LHX3: variants seen among roughly 807,000 people sequenced by gnomAD.
LHX3 encodes the protein LIM/homeobox protein Lhx3.
A neutral mutation model predicts 32.4 loss-of-function variants in LHX3; 21 were observed. That is an observed-to-expected ratio of 0.65 (90% CI 0.46 to 0.93). LHX3 has a LOEUF of 0.93. LHX3 is among the 40% of genes least tolerant of loss of function. The pLI is 0.00. For synonymous variants in LHX3, 258 were observed against 246.8 expected, an observed-to-expected ratio of 1.05 and a Z score of -0.43; for missense variants, 626 against 560.0, an observed-to-expected ratio of 1.12 and a Z score of -1.19.
rs371660154 is a variant in LHX3 at position 136,197,691 on chromosome 9, C to G, written c.828G>C (p.Leu276Phe). Residue 276 changes from leucine (L) to phenylalanine (F), a missense_variant, in exon 6 of 6, where the codon TTG (leucine) becomes TTC (phenylalanine). By Grantham distance (22) the Leu-to-Phe change is conservative (BLOSUM62 0). Coordinates refer to ENST00000371748, the MANE Select transcript of LHX3 (RefSeq NM_178138.6). ...MGPANGLYGS[L>F]GEPTQALGRP... Reference sequence around the variant, plus strand: ...GGCCCAAGGCCTGGGTGGGTTCCCCCAAGCTCCCGTAGAGGCCATTGGCCG... The same window carrying G: ...GGCCCAAGGCCTGGGTGGGTTCCCCGAAGCTCCCGTAGAGGCCATTGGCCG... The G allele has an allele frequency of 7.7e-5, 123 of 1,606,952 alleles. No individual in the cohort carries two copies. Among genetic ancestry groups the G allele is most frequent in the Non-Finnish European group, 6.0e-5 (71 of 1,179,624 alleles).
intron 1 of LHX3, chr9:136,201,241 G>A (rs1413044514): frequency 3.9e-6 from 5 of 1,271,798 alleles, no homozygotes; most frequent in Non-Finnish European, 4.0e-6. Context: ...CCTCGCAAAT[G>A]TGGCTGCCCT....
chr9:136,202,915 C>G (rs1425397585), intron 1 of LHX3: 3 of 1,530,856 alleles, frequency 2.0e-6, no homozygotes, highest in Non-Finnish European at 2.6e-6. Context: ...TCCTGGTCTC[C>G]CCGGTGCAGC....
chr9:136,196,292 G>A lies in LHX3; in HGVS notation c.*1033C>T, dbSNP rs186885868. On this transcript the variant is annotated 3_prime_UTR_variant, in exon 6 of 6. Transcript: ENST00000371748. ...ATTTATTGAAGTCTTGGAAAGAGCT[G>A]ATCACCCGAGAATAAATAAAAGACA... 1 of 152,514 alleles carries A rather than the reference G, an allele frequency of 6.6e-6. No individual in the cohort carries two copies. The highest frequency in any genetic ancestry group is 1.5e-5 in the Non-Finnish European group (1 of 68,046). 9.4% of individuals were successfully genotyped at this position (152,514 alleles called of 1,614,324 possible).
rs374047783 is a variant in LHX3 at position 136,199,719 on chromosome 9, C to A, written c.413G>T (p.Arg138Leu). 29 of 1,612,952 alleles carry A rather than the reference C, an allele frequency of 1.8e-5. No individual in the cohort carries two copies. The East Asian group carries it at 2.5e-4, about 14-fold the overall frequency. The change falls in exon 3 of 6, where the codon CGG becomes CTG. Residue 138 changes from arginine (R) to leucine (L), a missense_variant. Arg to Leu is a moderately radical substitution (Grantham distance 102). Transcript: ENST00000371748. ...GDEFYLMEDS[R>L]LVCKADYETA... ...TTCGTAGTCCGCCTTGCACACGAGC[C>A]GGCTGTCCTCCATGAGGTAGAACTC...
rs375736709 is a variant in LHX3 at position 136,199,046 on chromosome 9, C to A, written c.468G>T (p.Thr156=). Residue 156 remains threonine, a synonymous_variant, in exon 4 of 6, where the codon ACG becomes ACT. Coordinates refer to ENST00000371748, the MANE Select transcript of LHX3 (RefSeq NM_178138.6). ...TGATGGTCGTGCGCGGCCGCTTGGC[C>A]GTGGCCTCGGCCTCTGCGCGGCGGG... ...ETAKQREAEA[T]AKRPRTTITA... 10 of 1,567,916 alleles carry A rather than the reference C, an allele frequency of 6.4e-6. No individual in the cohort carries two copies. The highest frequency in any genetic ancestry group is 7.7e-6 in the Non-Finnish European group (9 of 1,163,682).
rs768871375 is a variant in LHX3, at chr9:136,199,662, C to T, written c.454+16G>A. ...TTCAGACCAGGAAAGGTGGGAGCGT[C>T]GTCCCCTCGGCTGACCTCGCTGCTT... On this transcript the variant is annotated intron_variant, in intron 3 of 5. Transcript: ENST00000371748. 6 of 1,612,112 alleles carry T rather than the reference C, an allele frequency of 3.7e-6. No individual in the cohort carries two copies. Among genetic ancestry groups the T allele is most frequent in the African/African-American group, 2.7e-5 (2 of 74,934 alleles).
At chr9:136,202,135 GTCC>G (rs903878945) in intron 1 of LHX3, among the ~76,000 whole-genome samples, 3 of 152,152 alleles carry the variant, frequency 2.0e-5, no homozygotes, top group African/African-American at 7.2e-5. Flanking sequence ...CGGGCGCGCA[GTCC>G]TCCTTCCTCC....
chr9:136,197,832 C>T lies in LHX3; in HGVS notation c.776-89G>A, dbSNP rs185690661. 2,114 of 1,441,406 alleles carry T rather than the reference C, an allele frequency of 1.5e-3. 1 individual carries two copies. Among genetic ancestry groups the T allele is most frequent in the Non-Finnish European group, 1.8e-3 (1,870 of 1,051,622 alleles). The allele number at this position is 1,441,406 out of a possible 1,614,324, so 89.3% of individuals were successfully genotyped here. On this transcript the variant is annotated intron_variant, in intron 5 of 5. Transcript: ENST00000371748. ...CCTGCAGGCGGAGGCACCCCTGGGT[C>T]GGAGAAAGAGTGGCTGCCCCACACC...
intron 2 of LHX3, 144 bp from the exon 3 acceptor site, chr9:136,200,024 G>T: frequency 1.2e-6 from 1 of 843,804 alleles, no homozygotes; most frequent in South Asian, 1.5e-5. Flanking sequence ...CGCCAGCCTG[G>T]CCGCCGGGGC....
chr9:136,205,103 G>T lies in LHX3; in HGVS notation c.-91C>A. 1 of 1,128,738 alleles carries T rather than the reference G, an allele frequency of 8.9e-7. No homozygotes were observed. The highest frequency in any genetic ancestry group is 1.2e-6 in the Non-Finnish European group (1 of 811,752). The allele number at this position is 1,128,738 out of a possible 1,614,324, so 69.9% of individuals were successfully genotyped here. On this transcript the variant is annotated 5_prime_UTR_variant, in exon 1 of 6. Transcript: ENST00000371748. ...GGGCTCCCAAGTCCCGCCGCGTCGT[G>T]CGGGGCAGGGAGCCCGGGAGCCACT...
rs1254648318 is a variant in LHX3, at chr9:136,197,058, A to AT, written c.*266dup. 1.7e-6 allele frequency: 1 copy of AT among 575,180 alleles called. No homozygotes were observed. The allele number at this position is 575,180 out of a possible 1,614,324, so 35.6% of individuals were successfully genotyped here. Reference sequence around the variant, plus strand: ...AGAAATAGCAGCAAGTGCTCAGTTAATTGGTCAATAAAGGGGAGAAATTTG... The same window carrying AT: ...AGAAATAGCAGCAAGTGCTCAGTTAATTTGGTCAATAAAGGGGAGAAATTTG... On this transcript the variant is annotated 3_prime_UTR_variant, in exon 6 of 6. Coordinates refer to ENST00000371748, the MANE Select transcript of LHX3 (RefSeq NM_178138.6).
chr9:136,200,770 G>A lies in LHX3; in HGVS notation c.80-17C>T. The A allele has an allele frequency of 1.2e-6, 2 of 1,613,096 alleles. No homozygotes were observed. Among genetic ancestry groups the A allele is most frequent in the Non-Finnish European group, 1.7e-6 (2 of 1,179,984 alleles). On this transcript the variant is annotated splice_polypyrimidine_tract_variant and intron_variant, in intron 1 of 5. Coordinates refer to ENST00000371748, the MANE Select transcript of LHX3 (RefSeq NM_178138.6). The stretch of plus-strand genomic sequence containing the variant: ...GCGGGATCTCTGTGGGCACGAGGAA[G>A]TTCTGGGTCACCTCGTAGACCAGGA...
Position 136,198,901 on chromosome 9 carries a change from C to A in LHX3, c.606+7G>T, listed in dbSNP as rs778504696. Reference sequence around the variant, plus strand: ...CGGGCGGGAGGGAAGCAGGGGCGAGCGCTGACCTGCACCACGCGCATGTCC... The same window carrying A: ...CGGGCGGGAGGGAAGCAGGGGCGAGAGCTGACCTGCACCACGCGCATGTCC... On this transcript the variant is annotated splice_region_variant and intron_variant, in intron 4 of 5. Coordinates refer to ENST00000371748, the MANE Select transcript of LHX3 (RefSeq NM_178138.6). 8.2e-6 allele frequency: 13 copies of A among 1,588,032 alleles called. No individual in the cohort carries two copies. Among genetic ancestry groups the A allele is most frequent in the African/African-American group, 2.7e-5 (2 of 74,376 alleles).
In LHX3 at chr9:136,198,916, C is replaced by A; in HGVS notation, c.598G>T (p.Val200Leu). 1 of 1,588,730 alleles carries A rather than the reference C, an allele frequency of 6.3e-7. No homozygotes were observed. Among genetic ancestry groups the A allele is most frequent in the Non-Finnish European group, 8.5e-7 (1 of 1,172,008 alleles). Reference sequence around the variant, plus strand: ...CAGGGGCGAGCGCTGACCTGCACCACGCGCATGTCCAGGCCCGTCTCGGAC... The same window carrying A: ...CAGGGGCGAGCGCTGACCTGCACCAAGCGCATGTCCAGGCCCGTCTCGGAC... ...LSSETGLDMR[V>L]VQVWFQNRRA... Residue 200 changes from valine to leucine, a missense_variant, in exon 4 of 6, where the codon GTG (valine) becomes TTG (leucine). Coordinates refer to ENST00000371748, the MANE Select transcript of LHX3 (RefSeq NM_178138.6).
Position 136,197,590 on chromosome 9 carries a change from C to G in LHX3, c.929G>C (p.Arg310Pro), listed in dbSNP as rs201591640. 1,424 of 1,540,328 alleles carry G rather than the reference C, an allele frequency of 9.2e-4. 2 individuals carry two copies. The highest frequency in any genetic ancestry group is 1.3e-3 in the Admixed American group (65 of 51,240). Residue 310 changes from arginine to proline, a missense_variant, in exon 6 of 6, where the codon CGT becomes CCT. Arg to Pro is a moderately radical substitution (Grantham distance 103, BLOSUM62 -2). Transcript: ENST00000371748. ...GGGGACACCGTAGGGGCTGCCGGGA[C>G]GCAGCTCTCGGTACTGCTCTGGGCC... ...LAGPEQYREL[R>P]PGSPYGVPPS...
chr9:136,196,878 G>C lies in LHX3; in HGVS notation c.*447C>G. 5.3e-6 allele frequency: 1 copy of C among 188,072 alleles called. No individual in the cohort carries two copies. 11.7% of individuals were successfully genotyped at this position (188,072 alleles called of 1,614,324 possible). On this transcript the variant is annotated 3_prime_UTR_variant, in exon 6 of 6. Coordinates refer to ENST00000371748, the MANE Select transcript of LHX3 (RefSeq NM_178138.6). ...AGGCAAGGCCAATCTCCGACCTAAA[G>C]AGGGAGCCTCGGGGTGACGGCTCCA...
Position 136,201,259 on chromosome 9 carries a change from G to A in LHX3, c.80-506C>T, listed in dbSNP as rs1333635613. On this transcript the variant is annotated intron_variant, in intron 1 of 5. Coordinates refer to ENST00000371748, the MANE Select transcript of LHX3 (RefSeq NM_178138.6). ...CGCAAATGTGGCTGCCCTGCCTGGT[G>A]GCCCTGTCTGCAGGCCTCCGGGGTA... 5 of 1,284,208 alleles carry A rather than the reference G, an allele frequency of 3.9e-6. No homozygotes were observed. In the East Asian group the frequency reaches 8.6e-5, roughly 22 times the overall value. The allele number at this position is 1,284,208 out of a possible 1,614,324, so 79.6% of individuals were successfully genotyped here.
intron 1 of LHX3, chr9:136,202,799 CT>C: frequency 1.1e-6 from 1 of 936,990 alleles, no homozygotes; most frequent in Non-Finnish European, 1.6e-6. Context: ...CAAATACAGG[CT>C]GAGGCGCCCA....
chr9:136,203,342 G>A (rs1831692807), intron 1 of LHX3, among the ~76,000 whole-genome samples: 1 of 151,966 alleles, frequency 6.6e-6, no homozygotes, highest in African/African-American at 2.4e-5. Flanking sequence ...CCGGCCCGAG[G>A]GCGGGCACCG....
Sources: allele counts gnomAD v4.1 joint callset (sites outside exome capture counted in the v4.1 genomes callset), GRCh38; gene constraint gnomAD v4.1.1; transcripts MANE v1.5; gene names NCBI Gene and HGNC (gene_info 2026-07-23, HGNC 2026-07-21).